ANKIB1: variants seen among roughly 807,000 people sequenced by gnomAD.
The protein encoded by ANKIB1 is ankyrin repeat and IBR domain-containing protein 1.
ANKIB1 carries 43 observed loss-of-function variants against 122.1 expected under a neutral mutation model. The observed-to-expected ratio is 0.35, with a 90% CI of 0.28 to 0.45. The LOEUF is 0.45. ANKIB1 is among the 20% of genes least tolerant of loss of function. The pLI, the probability that ANKIB1 is intolerant of heterozygous loss-of-function variation, is 1.00. For missense variants in ANKIB1, 992 were observed against 1,329.5 expected (o/e 0.75, Z 3.95); for synonymous variants, 390 against 442.0 (o/e 0.88, Z 1.48).
At chr7:92,356,843 A>C (rs1803825959) in intron 9 of ANKIB1, among the ~76,000 whole-genome samples, 1 of 152,220 alleles carries the variant, frequency 6.6e-6, no homozygotes. Context: ...TACCAGTTAC[A>C]AAGAGATGTT....
At chr7:92,336,610 A>G (rs1014870311) in intron 5 of ANKIB1, among the ~76,000 whole-genome samples, 9 of 152,052 alleles carry the variant, frequency 5.9e-5, no homozygotes, top group African/African-American at 2.2e-4. Context: ...CTATATCCAG[A>G]ATCTGTGCTT....
At chr7:92,355,911 T>C (rs1803799953) in intron 9 of ANKIB1, among the ~76,000 whole-genome samples, 1 of 149,778 alleles carries the variant, frequency 6.7e-6, no homozygotes, top group Non-Finnish European at 1.5e-5. Flanking sequence ...TAAGGTAGAG[T>C]TTATATTACC....
At chr7:92,360,409 T>C (rs1803915062) in intron 9 of ANKIB1, among the ~76,000 whole-genome samples, 2 of 152,214 alleles carry the variant, frequency 1.3e-5, no homozygotes, top group South Asian at 4.1e-4. Flanking sequence ...ATATTATTCC[T>C]TCTTATGGCT....
chr7:92,327,330 A>C (rs1043515920), intron 4 of ANKIB1, among the ~76,000 whole-genome samples: 2 of 152,180 alleles, frequency 1.3e-5, no homozygotes, highest in African/African-American at 4.8e-5. Flanking sequence ...TTAATAACCA[A>C]ATTTAAATAG....
chr7:92,316,741 T>A (rs201479071), intron 3 of ANKIB1, among the ~76,000 whole-genome samples: 1 of 149,480 alleles, frequency 6.7e-6, no homozygotes, highest in Non-Finnish European at 1.5e-5. Flanking sequence ...CACATTTTTT[T>A]AACCCCCCAA....
chr7:92,260,007 C>A (rs1045263384), intron 1 of ANKIB1, among the ~76,000 whole-genome samples: 11 of 152,210 alleles, frequency 7.2e-5, no homozygotes, highest in Non-Finnish European at 1.3e-4. Context: ...CCTAAATGAT[C>A]TGCTTCTAGC....
At chr7:92,391,788 G>A (rs1353460555) in intron 16 of ANKIB1, among the ~76,000 whole-genome samples, 1 of 151,982 alleles carries the variant, frequency 6.6e-6, no homozygotes, top group Admixed American at 6.6e-5. Flanking sequence ...AGTTATTTAA[G>A]TGATAAACCC....
intron 1 of ANKIB1, among the ~76,000 whole-genome samples, chr7:92,251,788 A>G (rs1202922628): frequency 6.6e-6 from 1 of 152,218 alleles, no homozygotes; most frequent in Non-Finnish European, 1.5e-5. Context: ...TGTCCAAAGA[A>G]GAAAATCAAC....
rs751564028 is a variant in ANKIB1 at position 92,350,924 on chromosome 7, T to G, written c.1086-26T>G. 4 of 1,571,102 alleles carry G rather than the reference T, an allele frequency of 2.5e-6. No individual in the cohort carries two copies. The African/African-American group carries it at 4.1e-5, about 16-fold the overall frequency. ...GCACAACTTAATATCCTTGCTCGTT[T>G]GATGTGCATTGATCCATTTTAATAG... On this transcript the variant is annotated intron_variant, in intron 7 of 19. Coordinates refer to ENST00000265742, the MANE Select transcript of ANKIB1 (RefSeq NM_019004.2).
intron 1 of ANKIB1, among the ~76,000 whole-genome samples, chr7:92,279,074 G>A (rs550915540): frequency 1.3e-5 from 2 of 152,282 alleles, no homozygotes; most frequent in South Asian, 4.1e-4. Flanking sequence ...AGATCATCAG[G>A]CATAATGAGC....
chr7:92,344,793 T>C (rs556251443), intron 6 of ANKIB1, among the ~76,000 whole-genome samples, 185 bp from the exon 7 acceptor site: 17 of 152,324 alleles, frequency 1.1e-4, no homozygotes, highest in African/African-American at 3.8e-4. Flanking sequence ...TTATTTATAG[T>C]GAGGTAGTCA....
intron 15 of ANKIB1, 34 bp from the exon 16 acceptor site, chr7:92,391,132 C>T: frequency 6.5e-7 from 1 of 1,539,512 alleles, no homozygotes; most frequent in Non-Finnish European, 8.8e-7. Context: ...ACCTATGAAG[C>T]CTGTGATTTT....
At chr7:92,390,473 G>A (rs1406036194) in intron 15 of ANKIB1, among the ~76,000 whole-genome samples, 1 of 152,126 alleles carries the variant, frequency 6.6e-6, no homozygotes, top group Non-Finnish European at 1.5e-5. Context: ...TATAAGATGA[G>A]AAAGTTGCTG....
chr7:92,250,290 G>A (rs546387671), intron 1 of ANKIB1, among the ~76,000 whole-genome samples: 26 of 152,170 alleles, frequency 1.7e-4, no homozygotes, highest in Non-Finnish European at 2.9e-4. Context: ...CTACTCGGGA[G>A]GCTGAGGCAG....
intron 3 of ANKIB1, among the ~76,000 whole-genome samples, chr7:92,309,488 T>G (rs1365928770): frequency 2.0e-5 from 3 of 152,178 alleles, no homozygotes; most frequent in South Asian, 4.1e-4. Context: ...TTACACAAGC[T>G]TCTCTGTACA....
At chr7:92,264,109 G>C (rs536325691) in intron 1 of ANKIB1, among the ~76,000 whole-genome samples, 2 of 150,150 alleles carry the variant, frequency 1.3e-5, no homozygotes, top group Non-Finnish European at 3.0e-5. Context: ...TGAACACCTA[G>C]AGTATTCTTC....
At chr7:92,304,013 A>T (rs1802505132) in intron 2 of ANKIB1, among the ~76,000 whole-genome samples, 1 of 151,732 alleles carries the variant, frequency 6.6e-6, no homozygotes, top group Non-Finnish European at 1.5e-5. Flanking sequence ...TCCCTACCCC[A>T]CCTTCCTGTT....
rs900558310 is a variant in ANKIB1 at position 92,269,057 on chromosome 7, A to G, written c.-91+22538A>G. On this transcript the variant is annotated intron_variant, in intron 1 of 19. Transcript: ENST00000265742. ...CAGACTCTTCTTAATGTTTGACTTT[A>G]AACAGGAAGAACATTAGAAATTATA... Among the ~76,000 whole-genome samples the G allele has an allele frequency of 5.3e-5, 8 of 152,346 alleles. No individual in the cohort carries two copies. In the South Asian group the frequency reaches 1.7e-3, roughly 32 times the overall value.
chr7:92,281,128 A>G (rs896518080), intron 1 of ANKIB1, among the ~76,000 whole-genome samples: 3 of 152,246 alleles, frequency 2.0e-5, no homozygotes, highest in South Asian at 2.1e-4. Flanking sequence ...CCATGGAATC[A>G]TACAATACTT....
Sources: gnomAD v4.1 joint callset for allele counts (sites outside exome capture counted in the v4.1 genomes callset) on GRCh38, gnomAD v4.1.1 for gene constraint, MANE v1.5 for transcripts, NCBI Gene and HGNC (gene_info 2026-07-23, HGNC 2026-07-21) for gene names.